Variants in CFAP47 observed in about 807,000 individuals in gnomAD.
CFAP47 encodes the protein cilia and flagella associated protein 47.
A neutral mutation model predicts 148.1 loss-of-function variants in CFAP47; 29 were observed. The observed-to-expected ratio is 0.20, with a 90% CI of 0.15 to 0.27. The LOEUF (loss-of-function observed/expected upper bound fraction) is 0.27, where lower values mean the gene tolerates loss of function less well. CFAP47 is among the 10% of genes least tolerant of loss of function. The probability of loss-of-function intolerance (pLI) is 1.00; values close to 1 mark genes in which losing one functional copy is unlikely to be tolerated. For missense variants in CFAP47, 1,872 were observed against 1,697.5 expected, an observed-to-expected ratio of 1.10 and a Z score of -1.81; for synonymous variants, 664 against 577.3, an observed-to-expected ratio of 1.15 and a Z score of -2.15.
intron 33 of CFAP47, among the ~76,000 whole-genome samples, chrX:36,117,268 C>A (rs1024774431): frequency 2.7e-5 from 3 of 111,350 alleles, no homozygotes; most frequent in African/African-American, 6.5e-5. Context: ...GGGTATATAT[C>A]CAGCAGTGGG....
intron 21 of CFAP47, among the ~76,000 whole-genome samples, chrX:36,012,482 G>A (rs1046145717): frequency 3.6e-5 from 4 of 112,115 alleles, no homozygotes; most frequent in Admixed American, 9.4e-5. Context: ...ATACTATGCA[G>A]CCATAAAAAA....
chrX:35,954,513 G>A (rs753889460), intron 7 of CFAP47, among the ~76,000 whole-genome samples: 2 of 111,610 alleles, frequency 1.8e-5, no homozygotes, highest in East Asian at 2.8e-4. Context: ...ATTGAGCTAC[G>A]TCTGCTGATC....
intron 37 of CFAP47, among the ~76,000 whole-genome samples, chrX:36,157,652 T>C (rs1939384467): frequency 9.0e-6 from 1 of 111,241 alleles, no homozygotes; most frequent in Non-Finnish European, 1.9e-5. Flanking sequence ...TGTCCTACCG[T>C]TTGTACTATC....
chrX:36,248,220 G>GTATTATATT (rs1940643842), intron 48 of CFAP47, among the ~76,000 whole-genome samples: 1 of 104,824 alleles, frequency 9.5e-6, no homozygotes, highest in African/African-American at 3.4e-5. Context: ...TATCATATAT[G>GTATTATATT]TATTATGTAT....
At chrX:36,310,164 TCA>T (rs1447606200) in intron 55 of CFAP47, among the ~76,000 whole-genome samples, 9 of 111,061 alleles carry the variant, frequency 8.1e-5, no homozygotes, top group African/African-American at 2.9e-4. Context: ...TGGAACTGAG[TCA>T]CAGTGTACTG....
At chrX:36,088,934 G>T (rs111432297) in intron 30 of CFAP47, among the ~76,000 whole-genome samples, 1 of 111,606 alleles carries the variant, frequency 9.0e-6, no homozygotes, top group African/African-American at 3.3e-5. Context: ...TAAAGCTATT[G>T]TAACTCTTAT....
At chrX:36,264,451 C>G (rs1940866831) in intron 49 of CFAP47, among the ~76,000 whole-genome samples, 2 of 112,025 alleles carry the variant, frequency 1.8e-5, no homozygotes, top group Non-Finnish European at 3.8e-5. Context: ...TTGACAATTC[C>G]CCTCTGGCGA....
At chrX:36,001,173 C>T (rs1420750656) in intron 20 of CFAP47, among the ~76,000 whole-genome samples, 1 of 111,560 alleles carries the variant, frequency 9.0e-6, no homozygotes, top group African/African-American at 3.3e-5. Context: ...AGTAAGACAT[C>T]TTACATATCC....
At chrX:36,158,215 C>T (rs1007655525) in intron 37 of CFAP47, among the ~76,000 whole-genome samples, 5 of 111,572 alleles carry the variant, frequency 4.5e-5, no homozygotes, top group African/African-American at 1.6e-4. Context: ...GCATTCTAAG[C>T]GAAGACAATA....
At chrX:36,098,764 TA>T in intron 30 of CFAP47, 28 bp from the exon 31 acceptor site, 1 of 844,717 alleles carries the variant, frequency 1.2e-6, no homozygotes, top group Non-Finnish European at 1.7e-6. Context: ...TATTATATTA[TA>T]ATTTGAGTTT....
intron 22 of CFAP47, among the ~76,000 whole-genome samples, chrX:36,026,301 A>T (rs1341528216): frequency 9.0e-6 from 1 of 111,551 alleles, no homozygotes; most frequent in Non-Finnish European, 1.9e-5. Context: ...GCGTTTTTAA[A>T]TTTTTATTGT....
At chrX:36,041,983 A>G (rs745375245) in intron 25 of CFAP47, among the ~76,000 whole-genome samples, 1 of 109,483 alleles carries the variant, frequency 9.1e-6, no homozygotes, top group African/African-American at 3.3e-5. Context: ...ATCATGACCA[A>G]CTTGTTTGTA....
At chrX:36,060,918 A>C (rs777327664) in intron 26 of CFAP47, among the ~76,000 whole-genome samples, 1 of 111,686 alleles carries the variant, frequency 9.0e-6, no homozygotes, top group African/African-American at 3.2e-5. Context: ...CATTATAATA[A>C]AAAGTATGTC....
At chrX:36,057,868 CT>C (rs1937566766) in intron 26 of CFAP47, among the ~76,000 whole-genome samples, 1 of 111,495 alleles carries the variant, frequency 9.0e-6, no homozygotes, top group Non-Finnish European at 1.9e-5. Context: ...CCAACCTAAG[CT>C]TTTGTAGCCA....
At chrX:36,181,721 C>G (rs2146868788) in intron 40 of CFAP47, among the ~76,000 whole-genome samples, 1 of 112,062 alleles carries the variant, frequency 8.9e-6, no homozygotes, top group African/African-American at 3.2e-5. Flanking sequence ...CAGATTAACT[C>G]TGCAAGAATA....
intron 3 of CFAP47, among the ~76,000 whole-genome samples, chrX:35,942,691 C>G (rs1386083785): frequency 2.7e-5 from 3 of 111,538 alleles, no homozygotes; most frequent in African/African-American, 6.5e-5. Flanking sequence ...CCTTCTTGTT[C>G]TAAAATCTCA....
intron 21 of CFAP47, among the ~76,000 whole-genome samples, chrX:36,010,275 A>G (rs1472826725): frequency 2.7e-5 from 3 of 111,380 alleles, no homozygotes. Flanking sequence ...TAAATTTCTA[A>G]TAAATTATGT....
At chrX:35,966,275 A>G (rs755464032) in intron 8 of CFAP47, among the ~76,000 whole-genome samples, 7,666 of 99,941 alleles carry the variant, frequency 0.077, 1,817 homozygotes, top group African/African-American at 0.37. Context: ...ATATTTAAGA[A>G]ATATTAGCTG....
At chrX:36,363,787 AAAT>A (rs1186099334) in intron 61 of CFAP47, among the ~76,000 whole-genome samples, 4 of 111,652 alleles carry the variant, frequency 3.6e-5, no homozygotes, top group African/African-American at 1.3e-4. Flanking sequence ...TGCATGCTAA[AAAT>A]AATAATAAAT....
Sources: gnomAD v4.1 joint callset for allele counts (sites outside exome capture counted in the v4.1 genomes callset) on GRCh38, gnomAD v4.1.1 for gene constraint, MANE v1.5 for transcripts, NCBI Gene and HGNC (gene_info 2026-07-23, HGNC 2026-07-21) for gene names.